RIF1: variants seen among roughly 807,000 people sequenced by gnomAD.
RIF1 encodes telomere-associated protein RIF1.
In RIF1, 45 loss-of-function variants were observed where a neutral mutation model predicts 247.1. The observed-to-expected ratio is 0.18, with a 90% CI of 0.14 to 0.23. The LOEUF (loss-of-function observed/expected upper bound fraction) is 0.23, where lower values mean the gene tolerates loss of function less well. Ranked by LOEUF, RIF1 falls within the 10% of genes least tolerant of loss-of-function variation. The pLI is 1.00. For synonymous variants in RIF1, 1,087 were observed against 978.8 expected (o/e 1.11, Z -2.06); for missense variants, 2,967 against 2,862.5 (o/e 1.04, Z -0.83).
chr2:151,465,479 C>T lies in RIF1; in HGVS notation c.5959C>T (p.Gln1987Ter). ...DNTTPVKLNA[Q>*]TEISEQTAAG... ...TACTACACCTGTAAAATTGAATGCT[C>T]AAACTGAGATTTCTGAACAAACAGC... Residue 1987 changes from glutamine to a stop codon, truncating the protein, a stop_gained, in exon 30 of 36, where the codon CAA becomes TAA. Coordinates refer to ENST00000444746, the MANE Select transcript of RIF1 (RefSeq NM_018151.5). LOFTEE classifies it high-confidence loss of function. 6.2e-7 allele frequency: 1 copy of T among 1,613,928 alleles called. No homozygotes were observed. Among genetic ancestry groups the T allele is most frequent in the Non-Finnish European group, 8.5e-7 (1 of 1,179,950 alleles).
chr2:151,465,474 A>G lies in RIF1; in HGVS notation c.5954A>G (p.Asn1985Ser). 6.2e-7 allele frequency: 1 copy of G among 1,614,090 alleles called. No individual in the cohort carries two copies. Among genetic ancestry groups the G allele is most frequent in the Non-Finnish European group, 8.5e-7 (1 of 1,179,984 alleles). Residue 1985 changes from asparagine to serine, a missense_variant, in exon 30 of 36, where the codon AAT becomes AGT. This residue lies in a region of RIF1 where 2,028 missense variants were observed against 1,825.6 expected (regional missense o/e 1.11). Transcript: ENST00000444746. The part of the protein sequence containing the change: ...LSDNTTPVKL[N>S]AQTEISEQTA... Reference sequence around the variant, plus strand: ...GATAATACTACACCTGTAAAATTGAATGCTCAAACTGAGATTTCTGAACAA... The same window carrying G: ...GATAATACTACACCTGTAAAATTGAGTGCTCAAACTGAGATTTCTGAACAA...
At chr2:151,518,226 C>T in the RIF1 span, 1 of 921,896 alleles carries the variant, frequency 1.1e-6, no homozygotes. Context: ...TGTGCATTTT[C>T]TCAAACAATG....
Position 151,493,338 on chromosome 2 carries a change from A to T in RIF1, c.*416-1891A>T. 6.4e-7 allele frequency: 1 copy of T among 1,571,834 alleles called. No individual in the cohort carries two copies. The highest frequency in any genetic ancestry group is 8.7e-7 in the Non-Finnish European group (1 of 1,143,102). On this transcript the variant is annotated intron_variant and NMD_transcript_variant, in intron 9 of 13. Coordinates refer to the RIF1 transcript ENST00000454583. ...CCAAGTTGTTGCACTATTTCTTTTT[A>T]GTCCTAGAAAATACCGAGCTAATGT...
In RIF1 at chr2:151,461,219, C is replaced by T. The variant is rs1193208001; in HGVS notation, c.3157C>T (p.Pro1053Ser). 1.2e-6 allele frequency: 2 copies of T among 1,613,034 alleles called. No individual in the cohort carries two copies. The highest frequency in any genetic ancestry group is 1.7e-5 in the Admixed American group (1 of 59,974). The change falls in exon 27 of 36, where the codon CCT becomes TCT. Residue 1053 changes from proline to serine, a missense_variant. Physicochemically the swap from Pro to Ser is moderately conservative, Grantham distance 74. Coordinates refer to ENST00000444746, the MANE Select transcript of RIF1 (RefSeq NM_018151.5). Reference protein sequence around the residue: ...EEKSTDFVFIPPEGKDAKERI... With the variant: ...EEKSTDFVFISPEGKDAKERI... ...AAAGTCTACTGACTTTGTGTTTATA[C>T]CTCCAGAAGGAAAAGATGCAAAGGA...
intron 11 of RIF1, chr2:151,502,930 C>G: frequency 3.3e-6 from 4 of 1,213,290 alleles, no homozygotes; most frequent in East Asian, 2.3e-5. Context: ...AAAACAGGCA[C>G]AGAGAGTAAG....
At chr2:151,452,853 G>A (rs1479740953) in intron 21 of RIF1, among the ~76,000 whole-genome samples, 2 of 152,168 alleles carry the variant, frequency 1.3e-5, no homozygotes, top group African/African-American at 2.4e-5. Flanking sequence ...AGATTTAACC[G>A]AATATCCAAT....
In RIF1 at chr2:151,462,419, C is replaced by G. The variant is rs1328196144; in HGVS notation, c.3316C>G (p.Pro1106Ala). ...QYSQEEPMEI[P>A]TLTRKPKEDS... ...TACTAATATTTATTTCAGGGAAATT[C>G]CTACTTTAACCAGAAAACCAAAGGA... is the stretch of plus-strand genomic sequence containing the variant. The change falls in exon 29 of 36, where the codon CCT becomes GCT. Residue 1106 changes from proline (P) to alanine (A), a missense_variant. Pro to Ala is a conservative substitution (Grantham distance 27). Transcript: ENST00000444746. 1 of 1,538,202 alleles carries G rather than the reference C, an allele frequency of 6.5e-7. No individual in the cohort carries two copies. Among genetic ancestry groups the G allele is most frequent in the Non-Finnish European group, 8.8e-7 (1 of 1,133,772 alleles).
At chr2:151,508,030 C>A, downstream of RIF1, 1 of 1,609,830 alleles carries the variant, frequency 6.2e-7, no homozygotes, top group East Asian at 2.2e-5. Flanking sequence ...TTGGTTCTCC[C>A]GGACTCTCTG....
chr2:151,500,859 A>AAAG (rs1553565761), intron 11 of RIF1, among the ~76,000 whole-genome samples: 1 of 152,084 alleles, frequency 6.6e-6, no homozygotes, highest in East Asian at 1.9e-4. Flanking sequence ...TCGACCTCCC[A>AAAG]AAGTGCTGAG....
chr2:151,455,039 T>C lies in RIF1; in HGVS notation c.2489T>C (p.Ile830Thr), dbSNP rs1390443254. 1.2e-6 allele frequency: 2 copies of C among 1,613,974 alleles called. No individual in the cohort carries two copies. Among genetic ancestry groups the C allele is most frequent in the South Asian group, 1.1e-5 (1 of 91,076 alleles). ...KEAHSDTLFT[I>T]GNSITGIISS... ...GCACATTCTGATACCCTCTTCACTA[T>C]TGGCAACTCAATCACCGGCATTATT... The change falls in exon 22 of 36, where the codon ATT (isoleucine) becomes ACT (threonine). Residue 830 changes from isoleucine (I) to threonine (T), a missense_variant. By Grantham distance (89) the Ile-to-Thr change is moderately conservative. This residue lies in a region of RIF1 where 2,028 missense variants were observed against 1,825.6 expected (regional missense o/e 1.11). Transcript: ENST00000444746.
intron 11 of RIF1, among the ~76,000 whole-genome samples, chr2:151,436,452 A>G (rs1383398516): frequency 2.0e-5 from 3 of 151,572 alleles, no homozygotes; most frequent in Non-Finnish European, 4.4e-5. Context: ...CTGATGGGAG[A>G]AGTGCTTGAG....
intron 7 of RIF1, among the ~76,000 whole-genome samples, chr2:151,422,232 A>G (rs1182082816): frequency 2.6e-5 from 4 of 152,194 alleles, no homozygotes; most frequent in Non-Finnish European, 5.9e-5. Flanking sequence ...TCTGTTGATT[A>G]TGAAGCTATT....
chr2:151,460,501 TA>T (rs1470727500), intron 26 of RIF1, among the ~76,000 whole-genome samples: 3 of 132,948 alleles, frequency 2.3e-5, no homozygotes, highest in Non-Finnish European at 4.9e-5. Flanking sequence ...TAGAAATAAA[TA>T]ATGCCTAGAT....
chr2:151,441,867 TA>T, intron 15 of RIF1, 37 bp from the exon 16 acceptor site: 1 of 936,706 alleles, frequency 1.1e-6, no homozygotes, highest in Non-Finnish European at 1.7e-6. Flanking sequence ...ATAATATTTT[TA>T]CGGCTAATTT....
chr2:151,451,519 C>A (rs1694313574), intron 20 of RIF1, 87 bp from the exon 21 acceptor site: 1 of 723,014 alleles, frequency 1.4e-6, no homozygotes, highest in Non-Finnish European at 2.5e-6. Context: ...ATGGGAGTAA[C>A]AGTCTTATAT....
chr2:151,491,461 G>A (rs2056585385), intron 9 of RIF1: 5 of 398,380 alleles, frequency 1.3e-5, no homozygotes, highest in Admixed American at 7.4e-5. Context: ...TGATAATAAT[G>A]GGAGACATGC....
chr2:151,518,856 A>T, the RIF1 span: 2 of 696,976 alleles, frequency 2.9e-6, no homozygotes, highest in African/African-American at 1.8e-5. Context: ...ACAGTTTTGT[A>T]ATAAATCTAG....
chr2:151,431,062 T>A (rs574555873), intron 9 of RIF1, among the ~76,000 whole-genome samples: 2 of 152,318 alleles, frequency 1.3e-5, no homozygotes, highest in African/African-American at 4.8e-5. Context: ...GGGACTACAA[T>A]CTTTAGGAAT....
rs1696733178 is a variant in RIF1, at chr2:151,465,313, G to C, written c.5793G>C (p.Glu1931Asp). Residue 1931 changes from glutamate to aspartate, a missense_variant, in exon 30 of 36, where the codon GAG (glutamate) becomes GAC (aspartate). This residue lies in a region of RIF1 where 2,028 missense variants were observed against 1,825.6 expected (regional missense o/e 1.11). Coordinates refer to ENST00000444746, the MANE Select transcript of RIF1 (RefSeq NM_018151.5). ...ATGAAGCTAGCTTTCATGGACAAGA[G>C]AGAACCAAAACTGGTATTTCTGAAG... is the stretch of plus-strand genomic sequence containing the variant. ...VGNEASFHGQERTKTGISEEA... is the reference protein window; with the variant it reads ...VGNEASFHGQDRTKTGISEEA... 3 of 1,613,686 alleles carry C rather than the reference G, an allele frequency of 1.9e-6. No individual in the cohort carries two copies. In the South Asian group the frequency reaches 3.3e-5, roughly 18 times the overall value.
Sources: allele counts gnomAD v4.1 joint callset (sites outside exome capture counted in the v4.1 genomes callset), GRCh38; gene constraint gnomAD v4.1.1; regional missense constraint gnomAD v4.1.1; transcripts MANE v1.5; gene names NCBI Gene and HGNC (gene_info 2026-07-23, HGNC 2026-07-21).